The following RTF2 variants were observed in gnomAD, a reference collection of about 807,000 sequenced individuals.
RTF2 encodes the protein replication termination factor 2.
In RTF2, 18 loss-of-function variants were observed where a neutral mutation model predicts 38.0. That is an observed-to-expected ratio of 0.47 (90% CI 0.33 to 0.70). RTF2 has a LOEUF of 0.70. Ranked by LOEUF, RTF2 falls within the 30% of genes least tolerant of loss-of-function variation. The pLI is 0.02. For missense variants in RTF2, 311 were observed against 379.6 expected (o/e 0.82, Z 1.50); for synonymous variants, 126 against 137.1 (o/e 0.92, Z 0.57).
chr20:56,470,757 G>A (rs1465335016), intron 1 of RTF2: 1 of 440,514 alleles, frequency 2.3e-6, no homozygotes. Context: ...ACGTGGTGGG[G>A]TCTCCATAAA....
At chr20:56,484,082 G>GATGA (rs1394497653) in intron 4 of RTF2, 29 bp from the exon 5 acceptor site, 1 of 1,598,754 alleles carries the variant, frequency 6.3e-7, no homozygotes, top group Non-Finnish European at 8.6e-7. Flanking sequence ...GATTAATACA[G>GATGA]TCCTTCCCCC....
intron 5 of RTF2, among the ~76,000 whole-genome samples, chr20:56,487,422 G>C (rs1219109550): frequency 4.6e-5 from 7 of 152,204 alleles, no homozygotes; most frequent in African/African-American, 1.7e-4. Context: ...GTAGAGACCA[G>C]GTGACGAACA....
intron 5 of RTF2, among the ~76,000 whole-genome samples, chr20:56,509,915 TAAG>T (rs200161890): frequency 0.023 from 3,432 of 151,784 alleles, 52 homozygotes; most frequent in Middle Eastern, 0.034. Context: ...TATTTGGCAA[TAAG>T]AAGAAATGTA....
chr20:56,518,018 T>A (rs1426474255), intron 8 of RTF2, 69 bp from the exon 9 acceptor site: 13 of 1,470,670 alleles, frequency 8.8e-6, no homozygotes, highest in Non-Finnish European at 1.1e-5. Flanking sequence ...TGGGCTTCCC[T>A]TCTGAGGATG....
intron 5 of RTF2, among the ~76,000 whole-genome samples, chr20:56,512,096 C>A (rs535465055): frequency 6.6e-5 from 10 of 152,276 alleles, no homozygotes; most frequent in Middle Eastern, 3.4e-3. Flanking sequence ...ATCCGCCCAC[C>A]TCGACCTCCC....
At chr20:56,473,428 G>A (rs762237143) in intron 2 of RTF2, 33 bp downstream of exon 2, 2 of 1,430,106 alleles carry the variant, frequency 1.4e-6, no homozygotes, top group South Asian at 2.3e-5. Context: ...AGATGAGTTT[G>A]TTAAGTGATT....
rs1366445320 is a variant in RTF2 at position 56,468,640 on chromosome 20, G to A, written c.-58G>A. 2 of 1,495,974 alleles carry A rather than the reference G, an allele frequency of 1.3e-6. No homozygotes were observed. The highest frequency in any genetic ancestry group is 9.1e-7 in the Non-Finnish European group (1 of 1,097,790). The allele number at this position is 1,495,974 out of a possible 1,614,324, so 92.7% of individuals were successfully genotyped here. ...CCGGAAGTGGCTGCGGATTTCGCCG[G>A]AAATCCCGGAAGTGACAGCTTTGGG... is the stretch of plus-strand genomic sequence containing the variant. On this transcript the variant is annotated 5_prime_UTR_variant, in exon 1 of 9. Coordinates refer to ENST00000357348, the MANE Select transcript of RTF2 (RefSeq NM_016407.5).
chr20:56,470,747 A>G (rs1981915630), intron 1 of RTF2: 3 of 447,860 alleles, frequency 6.7e-6, no homozygotes, highest in Non-Finnish European at 9.1e-6. Context: ...CATCATGCCT[A>G]CGTGGTGGGG....
At chr20:56,476,899 A>G in intron 3 of RTF2, 86 bp from the exon 4 acceptor site, 1 of 1,341,818 alleles carries the variant, frequency 7.5e-7, no homozygotes, top group East Asian at 2.5e-5. Flanking sequence ...GAAGGGCTGG[A>G]ATAACAATTT....
chr20:56,515,875 T>A (rs1340053248), intron 6 of RTF2: 1 of 152,236 alleles, frequency 6.6e-6, no homozygotes, highest in Non-Finnish European at 1.5e-5. Flanking sequence ...TAGCTACTGC[T>A]ACCAGGATAC....
rs144636418 is a variant in RTF2, at chr20:56,513,422, G to A, written c.585G>A (p.Leu195=). ...AGGAGAGAAGGCTGAGAGCGAAGCT[G>A]GAAAAGGTAATGGGAGTCTTCAGGT... The part of the protein sequence containing the change: ...RMEERRLRAK[L]EKKTKKPKAA... The change falls in exon 6 of 9, where the codon CTG becomes CTA. Residue 195 remains leucine, a synonymous_variant. Transcript: ENST00000357348. 1.3e-6 allele frequency: 2 copies of A among 1,591,636 alleles called. No individual in the cohort carries two copies. The highest frequency in any genetic ancestry group is 1.7e-6 in the Non-Finnish European group (2 of 1,169,600).
intron 5 of RTF2, chr20:56,491,775 C>G (rs374906641): frequency 6.4e-7 from 1 of 1,550,626 alleles, no homozygotes; most frequent in Non-Finnish European, 8.7e-7. Context: ...ATGTCTTCGA[C>G]GTAGCGGCCT....
intron 5 of RTF2, chr20:56,496,578 A>T (rs942271549): frequency 3.8e-5 from 55 of 1,429,964 alleles, no homozygotes; most frequent in Middle Eastern, 4.2e-4. Flanking sequence ...TCAATCAATC[A>T]ATCTATCTGC....
At chr20:56,509,357 C>T (rs1984487364) in intron 5 of RTF2, among the ~76,000 whole-genome samples, 1 of 152,166 alleles carries the variant, frequency 6.6e-6, no homozygotes, top group Non-Finnish European at 1.5e-5. Flanking sequence ...GTGGCTCACA[C>T]CTGTAATCCC....
At chr20:56,475,036 G>A (rs1412986364) in intron 3 of RTF2, among the ~76,000 whole-genome samples, 1 of 152,116 alleles carries the variant, frequency 6.6e-6, no homozygotes, top group African/African-American at 2.4e-5. Context: ...ATGTTAGGAG[G>A]CATTATTTTT....
intron 5 of RTF2, among the ~76,000 whole-genome samples, chr20:56,499,507 A>G (rs748010115): frequency 1.3e-5 from 2 of 152,110 alleles, no homozygotes; most frequent in Admixed American, 6.5e-5. Flanking sequence ...ACATGAAACC[A>G]TCATAATTTA....
intron 5 of RTF2, among the ~76,000 whole-genome samples, chr20:56,510,335 G>A (rs562824890): frequency 6.6e-6 from 1 of 152,292 alleles, no homozygotes; most frequent in African/African-American, 2.4e-5. Flanking sequence ...AGCATTCTGT[G>A]TCCTGAGCAT....
At chr20:56,505,386 G>A (rs557934334) in intron 5 of RTF2, among the ~76,000 whole-genome samples, 14 of 151,980 alleles carry the variant, frequency 9.2e-5, no homozygotes, top group African/African-American at 3.4e-4. Flanking sequence ...TACTTAGGAG[G>A]CTAAGGTGGG....
At chr20:56,511,636 T>TG (rs1461104581) in intron 5 of RTF2, among the ~76,000 whole-genome samples, 9 of 152,074 alleles carry the variant, frequency 5.9e-5, no homozygotes, top group Admixed American at 1.3e-4. Flanking sequence ...TAACTCTCTG[T>TG]GGGGGGGCCA....
Sources: gnomAD v4.1 joint callset for allele counts (sites outside exome capture counted in the v4.1 genomes callset) on GRCh38, gnomAD v4.1.1 for gene constraint, MANE v1.5 for transcripts, NCBI Gene and HGNC (gene_info 2026-07-23, HGNC 2026-07-21) for gene names.